Variants in DNAAF11 observed in about 807,000 individuals in gnomAD.
DNAAF11 encodes the protein dynein axonemal assembly factor 11, also known as leucine rich repeat containing 6.
In DNAAF11, 45 loss-of-function variants were observed where a neutral mutation model predicts 60.8. The ratio of observed to expected loss-of-function variants is 0.74; its 90% CI spans 0.58 to 0.95. The LOEUF (loss-of-function observed/expected upper bound fraction) is 0.95, where lower values mean the gene tolerates loss of function less well. Among genes scored for constraint, DNAAF11 ranks in the 40% least tolerant of loss-of-function variants. The pLI is 0.00. For synonymous variants in DNAAF11, 191 were observed against 183.5 expected (o/e 1.04, Z -0.33); for missense variants, 546 against 546.2 (o/e 1.00, Z 0.00).
intron 5 of DNAAF11, among the ~76,000 whole-genome samples, chr8:132,630,553 A>T (rs1820696517): frequency 3.3e-5 from 5 of 152,232 alleles, no homozygotes; most frequent in Admixed American, 3.3e-4. Context: ...TAATATTTTT[A>T]AACTTCATAA....
intron 5 of DNAAF11, among the ~76,000 whole-genome samples, chr8:132,630,718 G>A (rs1396965778): frequency 6.6e-6 from 1 of 151,628 alleles, no homozygotes; most frequent in Non-Finnish European, 1.5e-5. Context: ...AAATAAGTAG[G>A]GGACTTGAAT....
intron 1 of DNAAF11, among the ~76,000 whole-genome samples, chr8:132,663,092 A>G (rs1216903613): frequency 6.6e-6 from 1 of 152,162 alleles, no homozygotes; most frequent in East Asian, 1.9e-4. Context: ...CTTTGGCTCA[A>G]CTAACAGGCA....
the DNAAF11 span, among the ~76,000 whole-genome samples, chr8:132,684,153 A>T: frequency 6.6e-6 from 1 of 152,196 alleles, no homozygotes; most frequent in Non-Finnish European, 1.5e-5. Flanking sequence ...CTCACTTCTG[A>T]CACCAACTGC....
At chr8:132,616,324 T>C (rs1819149549) in intron 7 of DNAAF11, among the ~76,000 whole-genome samples, 1 of 152,122 alleles carries the variant, frequency 6.6e-6, no homozygotes, top group Admixed American at 6.5e-5. Flanking sequence ...TTCCCTTTTT[T>C]CTTCTTTATT....
the DNAAF11 span, among the ~76,000 whole-genome samples, chr8:132,686,718 C>A: frequency 2.4e-4 from 37 of 152,074 alleles, 1 homozygote; most frequent in African/African-American, 2.4e-5. Flanking sequence ...GACCCTGGAA[C>A]TTACTTTGAG....
chr8:132,641,235 T>C (rs970482616), intron 3 of DNAAF11, among the ~76,000 whole-genome samples: 11 of 152,198 alleles, frequency 7.2e-5, no homozygotes, highest in African/African-American at 2.7e-4. Flanking sequence ...AAGTGAAATA[T>C]AGTAATGTTA....
intron 7 of DNAAF11, among the ~76,000 whole-genome samples, chr8:132,615,534 GCTAT>G (rs1310822536): frequency 6.6e-6 from 1 of 151,892 alleles, no homozygotes; most frequent in Non-Finnish European, 1.5e-5. Context: ...CTTTTTTCTT[GCTAT>G]CTTTTTTCTT....
At chr8:132,597,428 G>A (rs1817129268) in intron 10 of DNAAF11, among the ~76,000 whole-genome samples, 1 of 152,182 alleles carries the variant, frequency 6.6e-6, no homozygotes, top group African/African-American at 2.4e-5. Flanking sequence ...GGTCAGCTGT[G>A]CAGGGAGCTC....
intron 3 of DNAAF11, among the ~76,000 whole-genome samples, chr8:132,644,905 G>A (rs1222825460): frequency 6.6e-6 from 1 of 152,226 alleles, no homozygotes; most frequent in Admixed American, 6.5e-5. Flanking sequence ...CACCTCTGGG[G>A]GCAGGGCATA....
Position 132,614,174 on chromosome 8 carries a change from T to C in DNAAF11, c.974+864A>G, listed in dbSNP as rs565726286. On this transcript the variant is annotated intron_variant, in intron 8 of 11. Transcript: ENST00000620350. ...AGTGGAAGGAAGTGCTGGGCAGGGG[T>C]AGGTACTGCTTTATGTCAGATGGTG... 1.4e-4 allele frequency among the ~76,000 whole-genome samples: 22 copies of C among 152,100 alleles called. No individual in the cohort carries two copies. The East Asian group carries it at 2.1e-3, about 15-fold the overall frequency.
intron 5 of DNAAF11, 57 bp downstream of exon 5, chr8:132,632,683 T>G: frequency 8.5e-7 from 1 of 1,182,624 alleles, no homozygotes; most frequent in East Asian, 2.3e-5. Context: ...GGAAAGAGAA[T>G]ACAGTTTGCT....
At chr8:132,700,445 G>A in the DNAAF11 span, among the ~76,000 whole-genome samples, 5 of 151,984 alleles carry the variant, frequency 3.3e-5, no homozygotes, top group Non-Finnish European at 5.9e-5. Flanking sequence ...CAACGTTTTG[G>A]GAGGCTGAAG....
chr8:132,619,856 G>A (rs1444243495), intron 7 of DNAAF11, among the ~76,000 whole-genome samples: 2 of 152,212 alleles, frequency 1.3e-5, no homozygotes, highest in Admixed American at 6.5e-5. Context: ...TGGAGTCAGG[G>A]TGCTTACACA....
At chr8:132,632,538 G>C (rs1259348393) in intron 5 of DNAAF11, among the ~76,000 whole-genome samples, 2 of 152,156 alleles carry the variant, frequency 1.3e-5, no homozygotes, top group Non-Finnish European at 2.9e-5. Flanking sequence ...GTTTAAAAAG[G>C]AATTTTTCCC....
At chr8:132,597,797 G>T (rs1489368598) in intron 10 of DNAAF11, among the ~76,000 whole-genome samples, 1 of 152,170 alleles carries the variant, frequency 6.6e-6, no homozygotes, top group African/African-American at 2.4e-5. Flanking sequence ...AATCATGGAA[G>T]AAAGGATACA....
intron 3 of DNAAF11, among the ~76,000 whole-genome samples, chr8:132,645,273 T>G (rs1236813833): frequency 6.6e-6 from 1 of 152,212 alleles, no homozygotes. Flanking sequence ...CTGAGGGTCC[T>G]GACTGTTAGA....
intron 11 of DNAAF11, chr8:132,578,529 A>G: frequency 3.4e-6 from 5 of 1,468,018 alleles, no homozygotes; most frequent in Non-Finnish European, 4.6e-6. Flanking sequence ...GGAAGACAAA[A>G]TCAACAGATT....
Position 132,621,164 on chromosome 8 carries a change from G to A in DNAAF11, c.914+1447C>T, listed in dbSNP as rs574525469. Among the ~76,000 whole-genome samples the A allele has an allele frequency of 1.8e-4, 28 of 152,244 alleles. No homozygotes were observed. The East Asian group carries it at 4.3e-3, about 23-fold the overall frequency. On this transcript the variant is annotated intron_variant, in intron 7 of 11. Transcript: ENST00000620350. ...GGGAGAAAGATGGCCTGAAAGTGGC[G>A]ATGGGCTGTAACTGCCCCTGTGGTG...
chr8:132,607,156 AC>A (rs1328717678), intron 10 of DNAAF11, among the ~76,000 whole-genome samples: 1 of 152,092 alleles, frequency 6.6e-6, no homozygotes, highest in Non-Finnish European at 1.5e-5. Context: ...CAGGTGTACC[AC>A]TTTTTATGAT....
Sources: allele counts gnomAD v4.1 joint callset (sites outside exome capture counted in the v4.1 genomes callset), GRCh38; gene constraint gnomAD v4.1.1; transcripts MANE v1.5; gene names NCBI Gene and HGNC (gene_info 2026-07-23, HGNC 2026-07-21).